Variants in RNF144A observed in about 807,000 individuals in gnomAD.
RNF144A encodes E3 ubiquitin-protein ligase RNF144A.
A neutral mutation model predicts 38.7 loss-of-function variants in RNF144A; 11 were observed. The ratio of observed to expected loss-of-function variants is 0.28; its 90% CI spans 0.18 to 0.47. The LOEUF (loss-of-function observed/expected upper bound fraction) is 0.47, where lower values mean the gene tolerates loss of function less well. Ranked by LOEUF, RNF144A falls within the 20% of genes least tolerant of loss-of-function variation. The pLI is 0.99. For missense variants in RNF144A, 316 were observed against 377.2 expected, an observed-to-expected ratio of 0.84 and a Z score of 1.34; for synonymous variants, 149 against 143.9, an observed-to-expected ratio of 1.04 and a Z score of -0.25.
intron 3 of RNF144A, 23 bp from the exon 4 acceptor site, chr2:7,014,431 A>G (rs1410850802): frequency 1.3e-6 from 2 of 1,510,438 alleles, no homozygotes; most frequent in Non-Finnish European, 1.8e-6. Context: ...ATGTTTATAG[A>G]CACTTCTCTG....
chr2:6,985,152 T>C (rs551056610), intron 2 of RNF144A, among the ~76,000 whole-genome samples: 26 of 152,240 alleles, frequency 1.7e-4, no homozygotes, highest in Middle Eastern at 3.4e-3. Flanking sequence ...GGGCAGGTGG[T>C]CAAATAAAGC....
At chr2:7,069,735 T>A (rs370835895), downstream of RNF144A, among the ~76,000 whole-genome samples, 13 of 152,234 alleles carry the variant, frequency 8.5e-5, no homozygotes, top group African/African-American at 3.1e-4. Flanking sequence ...TTCAGGGAGA[T>A]GAGAACTCAG....
In RNF144A at chr2:6,943,680, A is replaced by T. The variant is rs886271332; in HGVS notation, c.-12+2533A>T. ...TACTGGCTTTAGGAGGAACACGGAT[A>T]GTTACCAGTGGGGATGGACCAAATG... On this transcript the variant is annotated intron_variant, in intron 2 of 8. Transcript: ENST00000320892. This position sits in a 1 kb window ranked among gnomAD's most constrained non-coding sequence, Gnocchi z 4.3. 1.3e-5 allele frequency among the ~76,000 whole-genome samples: 2 copies of T among 152,146 alleles called. No homozygotes were observed. The highest frequency in any genetic ancestry group is 1.3e-4 in the Admixed American group (2 of 15,266).
chr2:6,992,451 A>G (rs1277402685), intron 2 of RNF144A, among the ~76,000 whole-genome samples: 1 of 152,194 alleles, frequency 6.6e-6, no homozygotes, highest in African/African-American at 2.4e-5. Flanking sequence ...AGGAGACATC[A>G]CACAGCACCA....
chr2:6,972,505 A>G (rs1668060484), intron 2 of RNF144A, among the ~76,000 whole-genome samples: 1 of 152,092 alleles, frequency 6.6e-6, no homozygotes, highest in Non-Finnish European at 1.5e-5. Flanking sequence ...TCCTTGAGCT[A>G]ATTGCTGTTT....
At chr2:7,067,472 C>T (rs990376095) in intron 6 of RNF144A, among the ~76,000 whole-genome samples, 1 of 152,168 alleles carries the variant, frequency 6.6e-6, no homozygotes, top group Admixed American at 6.5e-5. Context: ...AGGCTTCAAG[C>T]TCAGTGTTTA....
chr2:6,974,706 C>A (rs974611253), intron 2 of RNF144A, among the ~76,000 whole-genome samples: 3 of 152,146 alleles, frequency 2.0e-5, no homozygotes, highest in Non-Finnish European at 4.4e-5. Context: ...TAGCTCTTGA[C>A]AGGCAGGTGC....
chr2:6,992,504 G>A (rs190673097), intron 2 of RNF144A, among the ~76,000 whole-genome samples: 8 of 152,158 alleles, frequency 5.3e-5, no homozygotes, highest in Non-Finnish European at 7.3e-5. Flanking sequence ...TGTGGAGAAC[G>A]GGTAAGGAAG....
chr2:7,023,861 G>A (rs1330220219), intron 6 of RNF144A, among the ~76,000 whole-genome samples: 1 of 152,178 alleles, frequency 6.6e-6, no homozygotes, highest in African/African-American at 2.4e-5. Flanking sequence ...AACTTCTGAG[G>A]AAAACAATTC....
At chr2:7,072,703 T>C (rs1674526078), downstream of RNF144A, among the ~76,000 whole-genome samples, 1 of 152,216 alleles carries the variant, frequency 6.6e-6, no homozygotes, top group African/African-American at 2.4e-5. Context: ...CACTGAGTCT[T>C]AGAGCTTAGT....
chr2:7,057,133 A>G (rs309277), intron 6 of RNF144A, among the ~76,000 whole-genome samples: 42,140 of 152,172 alleles, frequency 0.28, 6,865 homozygotes, highest in South Asian at 0.43. Flanking sequence ...TTAGAGGTTT[A>G]AAGCTGTCAT....
chr2:7,075,260 G>A, the RNF144A span, among the ~76,000 whole-genome samples: 1 of 151,512 alleles, frequency 6.6e-6, no homozygotes, highest in African/African-American at 2.4e-5. Context: ...TGGGGCCTCA[G>A]CTGGGCTATC....
At chr2:7,046,432 G>A (rs928724216), downstream of RNF144A, among the ~76,000 whole-genome samples, 17 of 152,244 alleles carry the variant, frequency 1.1e-4, no homozygotes, top group Non-Finnish European at 1.8e-4. Flanking sequence ...GTGACTTCCC[G>A]TGCATGTGAC....
intron 3 of RNF144A, among the ~76,000 whole-genome samples, chr2:7,004,308 G>C (rs1478786240): frequency 6.6e-6 from 1 of 152,244 alleles, no homozygotes; most frequent in Non-Finnish European, 1.5e-5. Flanking sequence ...TGGGGAAAGA[G>C]AAGGTCTCTT....
In RNF144A at chr2:7,039,965, T is replaced by A; in HGVS notation, c.*205T>A. On this transcript the variant is annotated 3_prime_UTR_variant, in exon 9 of 9. Coordinates refer to ENST00000320892, the MANE Select transcript of RNF144A (RefSeq NM_014746.6). ...AGGTGTGGTGGGGAGGGGAGGCAGG[T>A]GTGGGTAGCGCACATCCCCACAGAT... The A allele has an allele frequency of 7.2e-7, 1 of 1,392,762 alleles. No homozygotes were observed. The highest frequency in any genetic ancestry group is 9.3e-7 in the Non-Finnish European group (1 of 1,073,374). The allele number at this position is 1,392,762 out of a possible 1,614,324, so 86.3% of individuals were successfully genotyped here.
At chr2:7,018,548 G>T (rs1572413159) in intron 5 of RNF144A, among the ~76,000 whole-genome samples, 1 of 152,334 alleles carries the variant, frequency 6.6e-6, no homozygotes. Context: ...TCCTTGCTTT[G>T]CTGTGACTGT....
chr2:7,004,336 T>C (rs1474821787), intron 3 of RNF144A, among the ~76,000 whole-genome samples: 5 of 152,196 alleles, frequency 3.3e-5, no homozygotes, highest in African/African-American at 1.2e-4. Context: ...CTCCTGTAGA[T>C]AAAACAGAGA....
At position 7,043,293 on chromosome 2, in the gene RNF144A, A is replaced by G. The variant is rs990911765; in HGVS notation, c.*3533A>G. The G allele has an allele frequency of 3.0e-6, 3 of 985,168 alleles. No homozygotes were observed. The highest frequency in any genetic ancestry group is 6.1e-5 in the Admixed American group (1 of 16,272). 61.0% of individuals were successfully genotyped at this position (985,168 alleles called of 1,614,324 possible). Reference sequence around the variant, plus strand: ...AGGGACTATCAGAGATGCAAAAATTACTTCAAGATGAGTTTATTGTTTTCA... The same window carrying G: ...AGGGACTATCAGAGATGCAAAAATTGCTTCAAGATGAGTTTATTGTTTTCA... On this transcript the variant is annotated 3_prime_UTR_variant, in exon 9 of 9. Coordinates refer to ENST00000320892, the MANE Select transcript of RNF144A (RefSeq NM_014746.6).
chr2:7,010,830 C>T (rs1380003454), intron 3 of RNF144A, among the ~76,000 whole-genome samples: 1 of 152,124 alleles, frequency 6.6e-6, no homozygotes, highest in Non-Finnish European at 1.5e-5. Flanking sequence ...CTGTAGTGGC[C>T]CATTAGAGCC....
Sources: gnomAD v4.1 joint callset for allele counts (sites outside exome capture counted in the v4.1 genomes callset) on GRCh38, gnomAD v4.1.1 for gene constraint, Gnocchi (gnomAD v3.1) non-coding constraint, MANE v1.5 for transcripts, NCBI Gene and HGNC (gene_info 2026-07-23, HGNC 2026-07-21) for gene names.